The following EVI5 variants were observed in gnomAD, a reference collection of about 807,000 sequenced individuals.
The protein encoded by EVI5 is ecotropic viral integration site 5.
A neutral mutation model predicts 112.0 loss-of-function variants in EVI5; 73 were observed. That is an observed-to-expected ratio of 0.65 (90% CI 0.54 to 0.79). The LOEUF is 0.79. EVI5 is among the 30% of genes least tolerant of loss of function. The pLI is 0.00. For missense variants in EVI5, 900 were observed against 968.8 expected (o/e 0.93, Z 0.94); for synonymous variants, 305 against 319.9 (o/e 0.95, Z 0.50).
intron 1 of EVI5, chr1:92,755,841 G>T (rs1289839648): frequency 1.3e-5 from 2 of 158,526 alleles, no homozygotes; most frequent in East Asian, 1.8e-4. Flanking sequence ...ATGGCGAGGA[G>T]AGCTGGCTGC....
upstream of EVI5, among the ~76,000 whole-genome samples, chr1:92,785,649 G>T (rs1461548318): frequency 6.6e-6 from 1 of 152,250 alleles, no homozygotes; most frequent in African/African-American, 2.4e-5. Context: ...ATTCAGCCGG[G>T]CAGCCCTCCA....
At chr1:92,567,093 T>G (rs932035785) in intron 18 of EVI5, among the ~76,000 whole-genome samples, 3 of 152,092 alleles carry the variant, frequency 2.0e-5, no homozygotes, top group African/African-American at 7.2e-5. Context: ...TTTACAGGCG[T>G]GAGCCACCAC....
At chr1:92,759,311 A>T (rs1448875785) in intron 1 of EVI5, among the ~76,000 whole-genome samples, 2 of 152,236 alleles carry the variant, frequency 1.3e-5, no homozygotes, top group African/African-American at 4.8e-5. Flanking sequence ...AAGAAAATTT[A>T]ATTGTCAACA....
chr1:92,583,517 A>C (rs1672296234), intron 18 of EVI5, among the ~76,000 whole-genome samples: 1 of 149,688 alleles, frequency 6.7e-6, no homozygotes, highest in Admixed American at 6.6e-5. Context: ...TCTCAAAAAA[A>C]AAAAAAAAAA....
chr1:92,745,663 C>T (rs771656010), intron 1 of EVI5, among the ~76,000 whole-genome samples: 7 of 151,930 alleles, frequency 4.6e-5, no homozygotes, highest in Non-Finnish European at 5.9e-5. Flanking sequence ...AAAAAATTAG[C>T]TGGGTGTGGT....
intron 2 of EVI5, among the ~76,000 whole-genome samples, chr1:92,718,183 G>A (rs188485351): frequency 6.6e-6 from 1 of 152,034 alleles, no homozygotes. Flanking sequence ...CAGCTCTCGA[G>A]CAAGCAGACC....
chr1:92,705,044 A>G (rs1671756501), intron 2 of EVI5, among the ~76,000 whole-genome samples: 1 of 152,200 alleles, frequency 6.6e-6, no homozygotes, highest in East Asian at 1.9e-4. Context: ...AAATCTGATG[A>G]GAAAAGTATT....
chr1:92,775,039 CTGAT>C (rs1282354635), intron 1 of EVI5, among the ~76,000 whole-genome samples: 1 of 152,182 alleles, frequency 6.6e-6, no homozygotes, highest in Non-Finnish European at 1.5e-5. Context: ...CCCATGTCAT[CTGAT>C]TGATATCTTG....
chr1:92,725,472 A>C (rs1675422996), intron 2 of EVI5, among the ~76,000 whole-genome samples: 1 of 152,216 alleles, frequency 6.6e-6, no homozygotes, highest in Admixed American at 6.5e-5. Context: ...CAAACACGAC[A>C]AGATAAAATT....
intron 16 of EVI5, among the ~76,000 whole-genome samples, chr1:92,619,228 T>C (rs1653953668): frequency 6.6e-6 from 1 of 152,096 alleles, no homozygotes; most frequent in Non-Finnish European, 1.5e-5. Flanking sequence ...CACAATCTAA[T>C]CAGCTGCCAG....
intron 16 of EVI5, among the ~76,000 whole-genome samples, chr1:92,610,765 C>T (rs1339335648): frequency 6.6e-6 from 1 of 151,708 alleles, no homozygotes; most frequent in Non-Finnish European, 1.5e-5. Context: ...CAAAATATAC[C>T]TAATATGGGT....
chr1:92,635,737 G>A (rs1658675197), intron 14 of EVI5, among the ~76,000 whole-genome samples: 1 of 152,076 alleles, frequency 6.6e-6, no homozygotes, highest in Admixed American at 6.6e-5. Flanking sequence ...CGTCTTCTGC[G>A]TCGCTCACAC....
At chr1:92,651,199 T>C (rs1043356845) in intron 13 of EVI5, among the ~76,000 whole-genome samples, 5 of 152,216 alleles carry the variant, frequency 3.3e-5, no homozygotes, top group Non-Finnish European at 7.3e-5. Context: ...AATAAATATA[T>C]GAATAAGTTC....
chr1:92,735,715 TATTA>T (rs1677278537), intron 2 of EVI5, among the ~76,000 whole-genome samples: 1 of 141,814 alleles, frequency 7.1e-6, no homozygotes, highest in Non-Finnish European at 1.5e-5. Context: ...TACAATATTA[TATTA>T]TATATAATAT....
At chr1:92,701,575 T>G (rs1468348196) in intron 5 of EVI5, among the ~76,000 whole-genome samples, 1 of 152,088 alleles carries the variant, frequency 6.6e-6, no homozygotes, top group Non-Finnish European at 1.5e-5. Flanking sequence ...CTATATGCCA[T>G]TTCCCTTCAA....
intron 16 of EVI5, among the ~76,000 whole-genome samples, chr1:92,620,480 T>C (rs1218116804): frequency 4.8e-5 from 7 of 144,670 alleles, no homozygotes; most frequent in African/African-American, 1.8e-4. Context: ...GGGTATATCA[T>C]ATTCGACCTG....
chr1:92,678,543 A>AT (rs1032101591), intron 9 of EVI5, among the ~76,000 whole-genome samples: 2 of 151,872 alleles, frequency 1.3e-5, no homozygotes, highest in African/African-American at 2.4e-5. Flanking sequence ...GTGATAAACC[A>AT]TTTTTTTAAA....
intron 4 of EVI5, among the ~76,000 whole-genome samples, 164 bp from the exon 5 acceptor site, chr1:92,702,379 T>G (rs969997328): frequency 6.6e-6 from 1 of 151,878 alleles, no homozygotes; most frequent in Non-Finnish European, 1.5e-5. Context: ...AAAAAGCAAA[T>G]GTTTTATTAC....
At chr1:92,551,684 C>T (rs1666965175) in intron 19 of EVI5, among the ~76,000 whole-genome samples, 2 of 152,126 alleles carry the variant, frequency 1.3e-5, no homozygotes, top group South Asian at 4.1e-4. Flanking sequence ...TGTCTGCGAC[C>T]TAGTAAGAGT....
Sources: allele counts gnomAD v4.1 joint callset (sites outside exome capture counted in the v4.1 genomes callset), GRCh38; gene constraint gnomAD v4.1.1; transcripts MANE v1.5; gene names NCBI Gene and HGNC (gene_info 2026-07-23, HGNC 2026-07-21).